GABBR2: variants seen among roughly 807,000 people sequenced by gnomAD.
GABBR2 encodes the protein gamma-aminobutyric acid type B receptor subunit 2.
GABBR2 carries 23 observed loss-of-function variants against 105.6 expected under a neutral mutation model. That is an observed-to-expected ratio of 0.22 (90% CI 0.16 to 0.31). GABBR2 has a LOEUF of 0.31. Ranked by LOEUF, GABBR2 falls within the 10% of genes least tolerant of loss-of-function variation. The pLI, the probability that GABBR2 is intolerant of heterozygous loss-of-function variation, is 1.00. For missense variants in GABBR2, 734 were observed against 1,245.5 expected, an observed-to-expected ratio of 0.59 and a Z score of 6.18; for synonymous variants, 478 against 499.7, an observed-to-expected ratio of 0.96 and a Z score of 0.58.
At chr9:98,379,501 T>C (rs971003289) in intron 11 of GABBR2, among the ~76,000 whole-genome samples, 2 of 152,172 alleles carry the variant, frequency 1.3e-5, no homozygotes, top group Admixed American at 6.5e-5. Flanking sequence ...ACTCCTGACC[T>C]TAGGTGATCC....
chr9:98,338,273 G>T (rs911043422), intron 13 of GABBR2, among the ~76,000 whole-genome samples: 17 of 152,056 alleles, frequency 1.1e-4, no homozygotes, highest in Admixed American at 7.9e-4. Context: ...TATATAAATT[G>T]CACTTTATCA....
At chr9:98,576,956 G>GA (rs1828919789) in intron 2 of GABBR2, among the ~76,000 whole-genome samples, 3 of 72,902 alleles carry the variant, frequency 4.1e-5, no homozygotes, top group South Asian at 4.8e-4. Context: ...GGATGGATAG[G>GA]TGAATGGGTG....
At chr9:98,625,356 C>G (rs1285440735) in intron 1 of GABBR2, among the ~76,000 whole-genome samples, 5 of 152,254 alleles carry the variant, frequency 3.3e-5, no homozygotes, top group African/African-American at 9.6e-5. Context: ...ACACCATTGC[C>G]CTTCTGTGGA....
chr9:98,488,764 T>C (rs2131659513), intron 4 of GABBR2, among the ~76,000 whole-genome samples: 1 of 120,842 alleles, frequency 8.3e-6, no homozygotes, highest in African/African-American at 3.3e-5. Context: ...CCTTGGAATG[T>C]TGAGAGGCTA....
intron 1 of GABBR2, among the ~76,000 whole-genome samples, chr9:98,673,485 C>T (rs1270822767): frequency 6.6e-6 from 1 of 151,552 alleles, no homozygotes; most frequent in East Asian, 1.9e-4. Context: ...GGACTTATCT[C>T]TGAGAGGAGT....
intron 18 of GABBR2, among the ~76,000 whole-genome samples, chr9:98,292,012 C>A (rs1830310120): frequency 6.6e-6 from 1 of 152,210 alleles, no homozygotes; most frequent in Non-Finnish European, 1.5e-5. Context: ...ATTGCCACAC[C>A]CTTCTGGTCT....
chr9:98,391,638 A>G (rs973012722), intron 9 of GABBR2, among the ~76,000 whole-genome samples: 1 of 152,214 alleles, frequency 6.6e-6, no homozygotes, highest in Non-Finnish European at 1.5e-5. Flanking sequence ...TGAGAAGGAA[A>G]GAGCATCCTG....
chr9:98,404,396 G>A (rs1832453036), intron 8 of GABBR2, among the ~76,000 whole-genome samples: 1 of 152,154 alleles, frequency 6.6e-6, no homozygotes, highest in South Asian at 2.1e-4. Flanking sequence ...ATTACAGAGC[G>A]ATAGCGCTGA....
chr9:98,350,010 CT>C (rs112621932), intron 13 of GABBR2, among the ~76,000 whole-genome samples: 11,695 of 151,926 alleles, frequency 0.077, 563 homozygotes, highest in African/African-American at 0.13. Flanking sequence ...TACCCATTTC[CT>C]TTAGGTTTTC....
intron 5 of GABBR2, among the ~76,000 whole-genome samples, chr9:98,475,365 A>C (rs1826770659): frequency 6.7e-6 from 1 of 150,052 alleles, no homozygotes; most frequent in Non-Finnish European, 1.5e-5. Flanking sequence ...AAAAGAAAAG[A>C]AAAGAAAAGA....
In GABBR2 at chr9:98,388,619, CTGTGTGTGTGTGTGTG is replaced by C. The variant is rs113747643; in HGVS notation, c.1529+219_1529+234del. ...TCCTGTGCAACCAGCAGCCTGGCCT[CTGTGTGTGTGTGTGTG>C]TGTGTGTGTGTGTGTGTGTGTGTGT... On this transcript the variant is annotated intron_variant, in intron 10 of 18. Coordinates refer to ENST00000259455, the MANE Select transcript of GABBR2 (RefSeq NM_005458.8). The surrounding 1 kb of genome is among the most constrained non-coding windows in gnomAD (Gnocchi z 4.4). Among the ~76,000 whole-genome samples the C allele has an allele frequency of 2.7e-4, 39 of 144,572 alleles. No individual in the cohort carries two copies. Among genetic ancestry groups the C allele is most frequent in the East Asian group, 6.4e-4 (3 of 4,686 alleles). The allele number at this position is 144,572 out of a possible 152,430, so 94.8% of individuals were successfully genotyped here. A position where few individuals can be genotyped will look rare whatever the true frequency, so the allele number is the denominator to read the frequency against.
At chr9:98,555,670 G>A (rs1408200889) in intron 2 of GABBR2, 1 of 152,174 alleles carries the variant, frequency 6.6e-6, no homozygotes, top group East Asian at 1.9e-4. Flanking sequence ...CAGAAATCAT[G>A]TCTCCTCATG....
At chr9:98,316,881 T>C (rs1830728081) in intron 13 of GABBR2, among the ~76,000 whole-genome samples, 1 of 152,152 alleles carries the variant, frequency 6.6e-6, no homozygotes, top group Admixed American at 6.5e-5. Context: ...GATCTCCAGC[T>C]AGTAAGTCTC....
chr9:98,596,300 G>T (rs562562248), intron 1 of GABBR2, among the ~76,000 whole-genome samples: 1 of 152,336 alleles, frequency 6.6e-6, no homozygotes, highest in African/African-American at 2.4e-5. Context: ...GAACACTTGG[G>T]AGATGTTAGC....
intron 1 of GABBR2, among the ~76,000 whole-genome samples, chr9:98,626,936 A>G (rs1206942361): frequency 6.6e-6 from 1 of 152,238 alleles, no homozygotes; most frequent in Non-Finnish European, 1.5e-5. Context: ...CACCATTGAC[A>G]TCATCCTGCT....
chr9:98,448,697 C>G lies in GABBR2; in HGVS notation c.1236+5284G>C, dbSNP rs569198524. Among the ~76,000 whole-genome samples, 5 of 152,298 alleles carry G rather than the reference C, an allele frequency of 3.3e-5. No homozygotes were observed. The East Asian group carries it at 9.7e-4, about 29-fold the overall frequency. ...CCTCCCAAAGTACTAGGATTACAGG[C>G]AGAAGCCACTGCACCCAGCTGATTC... On this transcript the variant is annotated intron_variant, in intron 7 of 18. Transcript: ENST00000259455.
At chr9:98,427,614 A>G (rs1033220294) in intron 7 of GABBR2, among the ~76,000 whole-genome samples, 2 of 152,208 alleles carry the variant, frequency 1.3e-5, no homozygotes, top group African/African-American at 4.8e-5. Context: ...GGCCCGTGTA[A>G]CTTGTAGGAT....
intron 9 of GABBR2, among the ~76,000 whole-genome samples, chr9:98,391,219 A>T (rs1432155037): frequency 6.6e-6 from 1 of 152,216 alleles, no homozygotes; most frequent in Non-Finnish European, 1.5e-5. Flanking sequence ...AAAAAAGAAA[A>T]AAGCACTAAT....
At chr9:98,436,689 A>G (rs538699150) in intron 7 of GABBR2, among the ~76,000 whole-genome samples, 1 of 151,836 alleles carries the variant, frequency 6.6e-6, no homozygotes, top group East Asian at 2.0e-4. Flanking sequence ...GAGCTGCCCA[A>G]AAGAAACAGC....
Sources: allele counts gnomAD v4.1 joint callset (sites outside exome capture counted in the v4.1 genomes callset), GRCh38; gene constraint gnomAD v4.1.1; non-coding constraint Gnocchi (gnomAD v3.1); transcripts MANE v1.5; gene names NCBI Gene and HGNC (gene_info 2026-07-23, HGNC 2026-07-21).